The following PCOLCE variants were observed in gnomAD, a reference collection of about 807,000 sequenced individuals.
PCOLCE encodes procollagen C-endopeptidase enhancer, also known as procollagen C-endopeptidase enhancer 1.
A neutral mutation model predicts 47.2 loss-of-function variants in PCOLCE; 33 were observed. The observed-to-expected ratio is 0.70, with a 90% CI of 0.53 to 0.93. The LOEUF (loss-of-function observed/expected upper bound fraction) is 0.93. Among genes scored for constraint, PCOLCE ranks in the 40% least tolerant of loss-of-function variants. PCOLCE has a pLI of 0.00. For synonymous variants in PCOLCE, 254 were observed against 252.5 expected, an observed-to-expected ratio of 1.01 and a Z score of -0.06; for missense variants, 584 against 585.3, an observed-to-expected ratio of 1.00 and a Z score of 0.02.
In PCOLCE at chr7:100,602,543, C is replaced by G. The variant is rs777723624; in HGVS notation, c.87C>G (p.Asn29Lys). ...LLPFAQGQTPNYTRPVFLCGG... is the reference protein window; with the variant it reads ...LLPFAQGQTPKYTRPVFLCGG... ...CTTTTGCCCAGGGCCAGACCCCCAA[C>G]TACACCAGGTAGGTCTCTTGGCATC... Residue 29 changes from asparagine (N) to lysine (K), a missense_variant, in exon 1 of 9, where the codon AAC becomes AAG. Coordinates refer to ENST00000223061, the MANE Select transcript of PCOLCE (RefSeq NM_002593.4). 8 of 1,601,154 alleles carry G rather than the reference C, an allele frequency of 5.0e-6. No homozygotes were observed. Among genetic ancestry groups the G allele is most frequent in the Non-Finnish European group, 1.7e-6 (2 of 1,168,966 alleles).
At position 100,605,768 on chromosome 7, in the gene PCOLCE, C is replaced by G; in HGVS notation, c.681C>G (p.Asp227Glu). The change falls in exon 5 of 9, where the codon GAC becomes GAG. Residue 227 changes from aspartate (D) to glutamate (E), a missense_variant. Physicochemically the swap from Asp to Glu is conservative, Grantham distance 45. Coordinates refer to ENST00000223061, the MANE Select transcript of PCOLCE (RefSeq NM_002593.4). The surrounding 1 kb of genome is among the most constrained non-coding windows in gnomAD (Gnocchi z 6.1). ...SVSVFNGAVS[D>E]DSRRLGKFCG... ...GCGTGTTCAACGGAGCCGTGAGCGA[C>G]GACTCCCGGAGGCTGGGGAAGTTCT... The G allele has an allele frequency of 1.3e-6, 2 of 1,557,576 alleles. No homozygotes were observed. The highest frequency in any genetic ancestry group is 1.2e-5 in the South Asian group (1 of 84,594).
chr7:100,605,556 A>AG lies in PCOLCE; in HGVS notation c.589-114dup, dbSNP rs1802698989. 2 of 1,256,000 alleles carry AG rather than the reference A, an allele frequency of 1.6e-6. No homozygotes were observed. Among genetic ancestry groups the AG allele is most frequent in the Admixed American group, 2.3e-5 (1 of 43,852 alleles). 77.8% of individuals were successfully genotyped at this position (1,256,000 alleles called of 1,614,324 possible). On this transcript the variant is annotated intron_variant, in intron 4 of 8. Transcript: ENST00000223061. The surrounding 1 kb of genome is among the most constrained non-coding windows in gnomAD (Gnocchi z 6.1). Reference sequence around the variant, plus strand: ...GTGCTGTGGTGTGAACGCCTTCAGGAGGGGGGCCCAGAGGACGCGGGAGGT... The same window carrying AG: ...GTGCTGTGGTGTGAACGCCTTCAGGAGGGGGGGCCCAGAGGACGCGGGAGGT...
rs1802698655 is a variant in PCOLCE at position 100,605,539 on chromosome 7, G to C, written c.589-137G>C. 1 of 1,041,440 alleles carries C rather than the reference G, an allele frequency of 9.6e-7. No homozygotes were observed. Among genetic ancestry groups the C allele is most frequent in the South Asian group, 1.6e-5 (1 of 63,704 alleles). The allele number at this position is 1,041,440 out of a possible 1,614,324, so 64.5% of individuals were successfully genotyped here. On this transcript the variant is annotated intron_variant, in intron 4 of 8. Transcript: ENST00000223061. This position sits in a 1 kb window ranked among gnomAD's most constrained non-coding sequence, Gnocchi z 6.1. ...GGTGTGTGTGGTCCTCCGTGCTGTGGTGTGAACGCCTTCAGGAGGGGGGCC... is the reference window on the plus strand; with the variant it reads ...GGTGTGTGTGGTCCTCCGTGCTGTGCTGTGAACGCCTTCAGGAGGGGGGCC...
chr7:100,607,065 T>G (rs1802728610), intron 6 of PCOLCE, among the ~76,000 whole-genome samples: 1 of 141,338 alleles, frequency 7.1e-6, no homozygotes, highest in Non-Finnish European at 1.5e-5. Flanking sequence ...CACTCCAACT[T>G]GGGTTACAGA....
intron 6 of PCOLCE, among the ~76,000 whole-genome samples, chr7:100,607,087 T>G (rs1802729001): frequency 1.1e-5 from 1 of 88,754 alleles, no homozygotes; most frequent in African/African-American, 4.3e-5. Flanking sequence ...TGAGATTCTG[T>G]CTCAAAAAAA....
In PCOLCE at chr7:100,605,653, TC is replaced by T; in HGVS notation, c.589-19del. ...CGCCCAGGGGTGTCCCGCCGCGCAG[TC>T]CCCGCCTCCGCCCGCCGCCAGGTCA... On this transcript the variant is annotated intron_variant, in intron 4 of 8. Coordinates refer to ENST00000223061, the MANE Select transcript of PCOLCE (RefSeq NM_002593.4). The surrounding 1 kb of genome is among the most constrained non-coding windows in gnomAD (Gnocchi z 6.1). 1 of 1,564,016 alleles carries T rather than the reference TC, an allele frequency of 6.4e-7. No homozygotes were observed. The highest frequency in any genetic ancestry group is 8.7e-7 in the Non-Finnish European group (1 of 1,155,202).
Position 100,607,799 on chromosome 7 carries a change from T to C in PCOLCE, c.1175T>C (p.Met392Thr), listed in dbSNP as rs765812003. Residue 392 changes from methionine (M) to threonine (T), a missense_variant, in exon 8 of 9, where the codon ATG becomes ACG. Coordinates refer to ENST00000223061, the MANE Select transcript of PCOLCE (RefSeq NM_002593.4). ...FYVPCKQCPP[M>T]KKGVSYLLMG... ...GTGCCTTGCAAGCAGTGCCCCCCCA[T>C]GAAGAAAGGTAACAGAGATGTGGGG... 7 of 1,613,898 alleles carry C rather than the reference T, an allele frequency of 4.3e-6. No individual in the cohort carries two copies. The highest frequency in any genetic ancestry group is 4.5e-5 in the East Asian group (2 of 44,884).
Position 100,605,935 on chromosome 7 carries a change from G to T in PCOLCE, c.725+123G>T, listed in dbSNP as rs1802708608. 8 of 1,160,644 alleles carry T rather than the reference G, an allele frequency of 6.9e-6. No homozygotes were observed. The highest frequency in any genetic ancestry group is 9.6e-6 in the Non-Finnish European group (8 of 833,128). The allele number at this position is 1,160,644 out of a possible 1,614,324, so 71.9% of individuals were successfully genotyped here. ...GAACCCCAGGGCTCCAAACCGGCGA[G>T]GGGAGCAGGTTGGAGGCCAGGCAAA... On this transcript the variant is annotated intron_variant, in intron 5 of 8. Transcript: ENST00000223061. The surrounding 1 kb of genome is among the most constrained non-coding windows in gnomAD (Gnocchi z 6.1).
chr7:100,605,525 T>C lies in PCOLCE; in HGVS notation c.589-151T>C. ...TGCAGGGTCCCATGGGTGTGTGTGG[T>C]CCTCCGTGCTGTGGTGTGAACGCCT... On this transcript the variant is annotated intron_variant, in intron 4 of 8. Coordinates refer to ENST00000223061, the MANE Select transcript of PCOLCE (RefSeq NM_002593.4). The surrounding 1 kb of genome is among the most constrained non-coding windows in gnomAD (Gnocchi z 6.1). 1 of 918,552 alleles carries C rather than the reference T, an allele frequency of 1.1e-6. No homozygotes were observed. The allele number at this position is 918,552 out of a possible 1,614,324, so 56.9% of individuals were successfully genotyped here. A position where few individuals can be genotyped will look rare whatever the true frequency, so the allele number is the denominator to read the frequency against.
intron 2 of PCOLCE, 24 bp from the exon 3 acceptor site, chr7:100,603,935 C>T (rs760985052): frequency 6.3e-7 from 1 of 1,596,198 alleles, no homozygotes; most frequent in Non-Finnish European, 8.5e-7. Context: ...CTCTGTGGGT[C>T]CCCGCCTCTG....
rs748061906 is a variant in PCOLCE, at chr7:100,605,224, C to T, written c.588+9C>T. 1.9e-6 allele frequency: 3 copies of T among 1,609,028 alleles called. No individual in the cohort carries two copies. The highest frequency in any genetic ancestry group is 2.5e-6 in the Non-Finnish European group (3 of 1,176,968). ...TCGCGCCCCCGGACCAGGTACCGAC[C>T]CTCCTCCCCGGGCTGCCCTAGGGGA... On this transcript the variant is annotated intron_variant, in intron 4 of 8. Coordinates refer to ENST00000223061, the MANE Select transcript of PCOLCE (RefSeq NM_002593.4). This position sits in a 1 kb window ranked among gnomAD's most constrained non-coding sequence, Gnocchi z 6.1.
At chr7:100,606,166 C>CA (rs1210064198) in intron 5 of PCOLCE, 1 of 539,242 alleles carries the variant, frequency 1.9e-6, no homozygotes, top group East Asian at 3.2e-5. Context: ...TTGTCTGTAC[C>CA]AAAAATACAA....
In PCOLCE at chr7:100,604,743, C is replaced by T; in HGVS notation, c.464-348C>T. On this transcript the variant is annotated intron_variant, in intron 3 of 8. Transcript: ENST00000223061. This position sits in a 1 kb window ranked among gnomAD's most constrained non-coding sequence, Gnocchi z 6.4. ...TGCCCCAAGTCGAGGACACCCTCTCCAGCCTGAAAGGGGACTCTGCTGCAG... is the reference window on the plus strand; with the variant it reads ...TGCCCCAAGTCGAGGACACCCTCTCTAGCCTGAAAGGGGACTCTGCTGCAG... The T allele has an allele frequency of 2.9e-6, 1 of 340,658 alleles. No individual in the cohort carries two copies. Among genetic ancestry groups the T allele is most frequent in the Non-Finnish European group, 5.5e-6 (1 of 181,710 alleles). The allele number at this position is 340,658 out of a possible 1,614,324, so 21.1% of individuals were successfully genotyped here. A position where few individuals can be genotyped will look rare whatever the true frequency, so the allele number is the denominator to read the frequency against.
At position 100,605,151 on chromosome 7, in the gene PCOLCE, G is replaced by A. The variant is rs1802690988; in HGVS notation, c.524G>A (p.Trp175Ter). Reference protein sequence around the residue: ...KAQGTLTTPNWPESDYPPGIS... With the variant: ...KAQGTLTTPN Reference sequence around the variant, plus strand: ...CAGGGAACCCTGACCACGCCCAACTGGCCCGAGTCCGATTACCCCCCGGGC... The same window carrying A: ...CAGGGAACCCTGACCACGCCCAACTAGCCCGAGTCCGATTACCCCCCGGGC... Residue 175 changes from tryptophan to a stop codon, truncating the protein, a stop_gained, in exon 4 of 9, where the codon TGG becomes TAG. Transcript: ENST00000223061. LOFTEE classifies it high-confidence loss of function. The surrounding 1 kb of genome is among the most constrained non-coding windows in gnomAD (Gnocchi z 6.1). 6.2e-7 allele frequency: 1 copy of A among 1,612,948 alleles called. No homozygotes were observed. Among genetic ancestry groups the A allele is most frequent in the Non-Finnish European group, 8.5e-7 (1 of 1,179,614 alleles).
At position 100,607,947 on chromosome 7, in the gene PCOLCE, T is replaced by C; in HGVS notation, c.1194T>C (p.Tyr398=). 1 of 1,614,190 alleles carries C rather than the reference T, an allele frequency of 6.2e-7. No homozygotes were observed. Among genetic ancestry groups the C allele is most frequent in the Non-Finnish European group, 8.5e-7 (1 of 1,180,032 alleles). Residue 398 remains tyrosine, a synonymous_variant, in exon 9 of 9, where the codon TAT becomes TAC. Coordinates refer to ENST00000223061, the MANE Select transcript of PCOLCE (RefSeq NM_002593.4). ...QCPPMKKGVS[Y]LLMGQVEENR... ...CCCTCCTTCTTCCAGGAGTCAGTTA[T>C]CTGCTGATGGGCCAGGTAGAAGAGA... is the stretch of plus-strand genomic sequence containing the variant.
intron 1 of PCOLCE, 74 bp downstream of exon 1, chr7:100,602,625 G>C: frequency 2.0e-6 from 2 of 986,666 alleles, no homozygotes; most frequent in Non-Finnish European, 3.2e-6. Context: ...TATGCCTGGA[G>C]ATATTTTGGG....
chr7:100,604,153 G>A lies in PCOLCE; in HGVS notation c.399G>A (p.Thr133=), dbSNP rs770475041. The part of the protein sequence containing the change: ...PGNQVTLRMT[T]DEGTGGRGFL... Reference sequence around the variant, plus strand: ...ACCAGGTGACCCTGAGGATGACGACGGATGAGGGCACAGGAGGACGAGGCT... The same window carrying A: ...ACCAGGTGACCCTGAGGATGACGACAGATGAGGGCACAGGAGGACGAGGCT... Residue 133 remains threonine, a synonymous_variant, in exon 3 of 9, where the codon ACG becomes ACA. Transcript: ENST00000223061. The surrounding 1 kb of genome is among the most constrained non-coding windows in gnomAD (Gnocchi z 6.4). 8 of 1,613,180 alleles carry A rather than the reference G, an allele frequency of 5.0e-6. No individual in the cohort carries two copies. The highest frequency in any genetic ancestry group is 2.7e-5 in the African/African-American group (2 of 74,912).
chr7:100,604,048 C>T lies in PCOLCE; in HGVS notation c.294C>T (p.Phe98=), dbSNP rs979164510. 6.2e-7 allele frequency: 1 copy of T among 1,607,984 alleles called. No individual in the cohort carries two copies. The highest frequency in any genetic ancestry group is 8.5e-7 in the Non-Finnish European group (1 of 1,179,998). ...PACRYDALEV[F]AGSGTSGQRL... is the part of the protein sequence containing the mutation. ...GCCGCTACGATGCTCTGGAGGTCTT[C>T]GCTGGGTCTGGGACTTCCGGCCAGC... The change falls in exon 3 of 9, where the codon TTC becomes TTT. Residue 98 remains phenylalanine, a synonymous_variant. Transcript: ENST00000223061. This position sits in a 1 kb window ranked among gnomAD's most constrained non-coding sequence, Gnocchi z 6.4.
intron 1 of PCOLCE, chr7:100,603,127 G>A (rs1043590384): frequency 1.3e-5 from 4 of 316,666 alleles, no homozygotes; most frequent in South Asian, 6.5e-5. Flanking sequence ...AGAGTGAGGC[G>A]GGAGTCTGGA....
Sources: allele counts gnomAD v4.1 joint callset (sites outside exome capture counted in the v4.1 genomes callset), GRCh38; gene constraint gnomAD v4.1.1; non-coding constraint Gnocchi (gnomAD v3.1); transcripts MANE v1.5; gene names NCBI Gene and HGNC (gene_info 2026-07-23, HGNC 2026-07-21).